Variants in PSEN2 observed in about 807,000 individuals in gnomAD.
PSEN2 encodes the protein presenilin-2.
A neutral mutation model predicts 49.1 loss-of-function variants in PSEN2; 32 were observed. That is an observed-to-expected ratio of 0.65 (90% CI 0.49 to 0.88). PSEN2 has a LOEUF of 0.88. PSEN2 is among the 40% of genes least tolerant of loss of function. The pLI is 0.00. For missense variants in PSEN2, 522 were observed against 586.9 expected (o/e 0.89, Z 1.14); for synonymous variants, 255 against 244.0 (o/e 1.05, Z -0.42).
chr1:226,887,755 A>G (rs1205345082), intron 6 of PSEN2, among the ~76,000 whole-genome samples: 1 of 152,202 alleles, frequency 6.6e-6, no homozygotes, highest in Admixed American at 6.5e-5. Flanking sequence ...AGACTTTGCT[A>G]GCCTTGGTTC....
chr1:226,891,617 T>C (rs1380253155), intron 10 of PSEN2, 126 bp from the exon 11 acceptor site: 1 of 903,540 alleles, frequency 1.1e-6, no homozygotes, highest in Non-Finnish European at 1.8e-6. Flanking sequence ...TGTCAGGTGC[T>C]GGTGCTCAGG....
chr1:226,892,606 C>T (rs115598326), intron 11 of PSEN2, among the ~76,000 whole-genome samples: 2,062 of 152,224 alleles, frequency 0.014, 33 homozygotes, highest in African/African-American at 0.038. Flanking sequence ...ACTCCAGTGA[C>T]ACGGGAGGGG....
intron 5 of PSEN2, among the ~76,000 whole-genome samples, chr1:226,885,178 T>G (rs1571954122): frequency 1.6e-5 from 2 of 121,446 alleles, no homozygotes; most frequent in African/African-American, 3.2e-5. Context: ...TGGGTGGAGC[T>G]GGTGGAGAGG....
chr1:226,884,597 T>G (rs954869296), intron 5 of PSEN2: 23 of 152,270 alleles, frequency 1.5e-4, no homozygotes, highest in African/African-American at 5.1e-4. Flanking sequence ...GTTGGTTTTT[T>G]TTGTTGTTGT....
chr1:226,883,645 TTACA>T, intron 4 of PSEN2, 56 bp from the exon 5 acceptor site: 1 of 1,517,994 alleles, frequency 6.6e-7, no homozygotes, highest in South Asian at 1.2e-5. Context: ...AATCCGTGCA[TTACA>T]TGGATAGGCT....
intron 8 of PSEN2, among the ~76,000 whole-genome samples, chr1:226,889,791 C>T (rs1313657228): frequency 2.0e-5 from 3 of 152,194 alleles, no homozygotes; most frequent in African/African-American, 4.8e-5. Flanking sequence ...AAGTGGGACT[C>T]CCCAGCCTGG....
At chr1:226,891,656 G>A in intron 10 of PSEN2, 87 bp from the exon 11 acceptor site, 1 of 1,254,020 alleles carries the variant, frequency 8.0e-7, no homozygotes, top group South Asian at 1.2e-5. Flanking sequence ...TTTGTTCCCT[G>A]GTAACACTCT....
chr1:226,884,143 G>A (rs1267331734), intron 5 of PSEN2, among the ~76,000 whole-genome samples: 1 of 152,192 alleles, frequency 6.6e-6, no homozygotes, highest in Non-Finnish European at 1.5e-5. Flanking sequence ...TTCCTTGTTC[G>A]TATAATGGGT....
At position 226,892,049 on chromosome 1, in the gene PSEN2, T is replaced by C. The variant is rs1197217709; in HGVS notation, c.1072+205T>C. 2.0e-5 allele frequency among the ~76,000 whole-genome samples: 3 copies of C among 152,150 alleles called. No individual in the cohort carries two copies. The East Asian group carries it at 5.8e-4, about 29-fold the overall frequency. On this transcript the variant is annotated intron_variant, in intron 11 of 12. Coordinates refer to ENST00000366783, the MANE Select transcript of PSEN2 (RefSeq NM_000447.3). ...ATGTAGTTGTCCGGCATGTATTGAG[T>C]ATGGGCCACGTGCCCGTGCTGTGCT...
intron 3 of PSEN2, among the ~76,000 whole-genome samples, chr1:226,877,498 C>G (rs1660709629): frequency 6.6e-6 from 1 of 152,176 alleles, no homozygotes; most frequent in South Asian, 2.1e-4. Context: ...AACAGTGATC[C>G]TAAGGGATTC....
At chr1:226,873,060 C>T (rs927216904) in intron 2 of PSEN2, among the ~76,000 whole-genome samples, 1 of 152,046 alleles carries the variant, frequency 6.6e-6, no homozygotes, top group Admixed American at 6.5e-5. Context: ...GCCTGTAATC[C>T]CAGCTACTCA....
intron 9 of PSEN2, chr1:226,890,992 C>A (rs1661702122): frequency 6.3e-6 from 3 of 479,442 alleles, no homozygotes; most frequent in African/African-American, 3.9e-5. Context: ...CATGAGTGTC[C>A]CAGGGCTCGG....
Position 226,890,138 on chromosome 1 carries a change from G to T in PSEN2, c.886+5G>T. ...TCCCTGCCCTGATATACTCATGTGAGTGAGCCCCCCGTGCCTCTGCCTGAC... is the reference window on the plus strand; with the variant it reads ...TCCCTGCCCTGATATACTCATGTGATTGAGCCCCCCGTGCCTCTGCCTGAC... On this transcript the variant is annotated splice_donor_5th_base_variant and intron_variant, in intron 9 of 12. Coordinates refer to ENST00000366783, the MANE Select transcript of PSEN2 (RefSeq NM_000447.3). 1 of 1,609,156 alleles carries T rather than the reference G, an allele frequency of 6.2e-7. No individual in the cohort carries two copies. Among genetic ancestry groups the T allele is most frequent in the Non-Finnish European group, 8.5e-7 (1 of 1,175,454 alleles).
In PSEN2 at chr1:226,891,282, CA is replaced by C; in HGVS notation, c.892del (p.Met298TrpfsTer47). Reference sequence around the variant, plus strand: ...GAACCTTTTCTCCTCCCCCAGCTGCCATGGTGTGGACGGTTGGCATGGCGAA... The same window carrying C: ...GAACCTTTTCTCCTCCCCCAGCTGCCTGGTGTGGACGGTTGGCATGGCGAA... ...IFPALIYSSA[M>X]VWTVGMAKLD... On this transcript the variant is annotated frameshift_variant, in exon 10 of 13. Coordinates refer to ENST00000366783, the MANE Select transcript of PSEN2 (RefSeq NM_000447.3). LOFTEE classifies it high-confidence loss of function. The C allele has an allele frequency of 6.2e-7, 1 of 1,613,800 alleles. No homozygotes were observed. The highest frequency in any genetic ancestry group is 8.5e-7 in the Non-Finnish European group (1 of 1,179,948).
downstream of PSEN2, among the ~76,000 whole-genome samples, chr1:226,900,937 A>G (rs1227778145): frequency 6.6e-6 from 1 of 152,174 alleles, no homozygotes; most frequent in Admixed American, 6.5e-5. Context: ...GGAGGTAACT[A>G]CTATTCTAAT....
rs1661015238 is a variant in PSEN2 at position 226,881,870 on chromosome 1, T to C, written c.-20-18T>C. ...CTCACAGGAAAGTGGAACAAGGTCC[T>C]TGTGCTCCTTTTTCCAGGTGCTTCC... is the stretch of plus-strand genomic sequence containing the variant. On this transcript the variant is annotated intron_variant, in intron 3 of 12. Coordinates refer to ENST00000366783, the MANE Select transcript of PSEN2 (RefSeq NM_000447.3). 1.2e-6 allele frequency: 2 copies of C among 1,614,070 alleles called. No homozygotes were observed. The highest frequency in any genetic ancestry group is 2.7e-5 in the African/African-American group (2 of 74,938).
rs12071324 is a variant in PSEN2 at position 226,882,173 on chromosome 1, C to G, written c.141+125C>G. 15,664 of 1,364,100 alleles carry G rather than the reference C, an allele frequency of 0.011. 1,267 individuals carry two copies. In the African/African-American group the frequency reaches 0.19, roughly 17 times the overall value. 84.5% of individuals were successfully genotyped at this position (1,364,100 alleles called of 1,614,324 possible). On this transcript the variant is annotated intron_variant, in intron 4 of 12. Transcript: ENST00000366783. ...AAGGGAAGTAATGATGAGGATTGGC[C>G]GAAAAGGTGGGTGGCTGGCCATGAT...
chr1:226,888,190 G>T (rs201810625), intron 7 of PSEN2, 32 bp downstream of exon 7: 3 of 1,571,882 alleles, frequency 1.9e-6, no homozygotes, highest in Non-Finnish European at 1.8e-6. Flanking sequence ...GGGTCCCTGG[G>T]AGCCCCTCTC....
At chr1:226,894,156 C>CGTGGTGGGGGCCCACAGGGTCCTCATT in intron 12 of PSEN2, 31 bp downstream of exon 12, 1 of 1,578,484 alleles carries the variant, frequency 6.3e-7, no homozygotes, top group Non-Finnish European at 8.7e-7. Flanking sequence ...CCAGCTGCCT[C>CGTGGTGGGGGCCCACAGGGTCCTCATT]GTGGTGGGGG....
Sources: gnomAD v4.1 joint callset for allele counts (sites outside exome capture counted in the v4.1 genomes callset) on GRCh38, gnomAD v4.1.1 for gene constraint, MANE v1.5 for transcripts, NCBI Gene and HGNC (gene_info 2026-07-23, HGNC 2026-07-21) for gene names.